Variants in JKAMP observed in about 807,000 individuals in gnomAD.
JKAMP encodes the protein JNK1/MAPK8 associated membrane protein, also known as JNK1/MAPK8-associated membrane protein.
In JKAMP, 20 loss-of-function variants were observed where a neutral mutation model predicts 40.2. That is an observed-to-expected ratio of 0.50 (90% confidence interval 0.35 to 0.72). The LOEUF (loss-of-function observed/expected upper bound fraction) is 0.72. JKAMP is among the 30% of genes least tolerant of loss of function. The pLI, the probability that JKAMP is intolerant of heterozygous loss-of-function variation, is 0.01. For missense variants in JKAMP, 276 were observed against 373.0 expected, an observed-to-expected ratio of 0.74 and a Z score of 2.14; for synonymous variants, 138 against 131.6, an observed-to-expected ratio of 1.05 and a Z score of -0.33.
intron 3 of JKAMP, among the ~76,000 whole-genome samples, chr14:59,488,296 T>A (rs1322831254): frequency 6.6e-6 from 1 of 152,074 alleles, no homozygotes; most frequent in Non-Finnish European, 1.5e-5. Flanking sequence ...GGGAAGGAGA[T>A]ATAAAAATAA....
chr14:59,491,382 A>G (rs1469253348), intron 3 of JKAMP, among the ~76,000 whole-genome samples: 2 of 152,210 alleles, frequency 1.3e-5, no homozygotes, highest in South Asian at 2.1e-4. Flanking sequence ...TCATTTTGTA[A>G]AGATTATGTG....
chr14:59,492,265 T>G (rs562939596), intron 3 of JKAMP, among the ~76,000 whole-genome samples: 3 of 150,946 alleles, frequency 2.0e-5, no homozygotes, highest in African/African-American at 7.3e-5. Flanking sequence ...AAAAAAAAGG[T>G]AGTCAGCAGA....
At chr14:59,484,965 T>C (rs1340638956) in intron 1 of JKAMP, 8 of 1,539,554 alleles carry the variant, frequency 5.2e-6, no homozygotes, top group Middle Eastern at 1.7e-4. Flanking sequence ...GCATAATTTG[T>C]CTACTGCTTC....
intron 1 of JKAMP, 174 bp from the exon 2 acceptor site, chr14:59,486,539 A>G: frequency 5.0e-6 from 3 of 597,944 alleles, no homozygotes; most frequent in Non-Finnish European, 8.8e-6. Flanking sequence ...AACTGTCTGC[A>G]GTGTCACAGT....
intron 3 of JKAMP, among the ~76,000 whole-genome samples, chr14:59,490,540 A>G (rs1302328899): frequency 2.0e-5 from 3 of 152,218 alleles, no homozygotes; most frequent in Non-Finnish European, 4.4e-5. Flanking sequence ...ATTTAATAGA[A>G]GACTGTTGTC....
In JKAMP at chr14:59,504,962, G is replaced by C. The variant is rs1892240465; in HGVS notation, c.*890G>C. The C allele has an allele frequency of 4.2e-6, 1 of 235,510 alleles. No individual in the cohort carries two copies. The highest frequency in any genetic ancestry group is 2.2e-5 in the African/African-American group (1 of 44,470). The allele number at this position is 235,510 out of a possible 1,614,324, so 14.6% of individuals were successfully genotyped here. ...TGTGGTTGGTTTGTGGTTTGTGATA[G>C]GTGTTCTGTGATGTTTATGCTTTGA... On this transcript the variant is annotated 3_prime_UTR_variant, in exon 7 of 7. Transcript: ENST00000616435.
In JKAMP at chr14:59,505,041, TTAACC is replaced by T. The variant is rs1190649846; in HGVS notation, c.*974_*978del. ...GGAAGCAAAATGAAATTTTTAGCTCTTAACCTAACAACCTGACCATGTTTATCCAT... is the reference window on the plus strand; with the variant it reads ...GGAAGCAAAATGAAATTTTTAGCTCTTAACAACCTGACCATGTTTATCCAT... On this transcript the variant is annotated 3_prime_UTR_variant, in exon 7 of 7. Transcript: ENST00000616435. 3.1e-4 allele frequency: 117 copies of T among 383,518 alleles called. 2 individuals carry two copies. Among genetic ancestry groups the T allele is most frequent in the Non-Finnish European group, 1.4e-4 (30 of 213,426 alleles). 23.8% of individuals were successfully genotyped at this position (383,518 alleles called of 1,614,324 possible). A position where few individuals can be genotyped will look rare whatever the true frequency, so the allele number is the denominator to read the frequency against.
intron 3 of JKAMP, among the ~76,000 whole-genome samples, chr14:59,491,711 A>G (rs566005653): frequency 6.6e-6 from 1 of 152,344 alleles, no homozygotes; most frequent in South Asian, 2.1e-4. Flanking sequence ...AGATGGAGAG[A>G]TCTCCAGGAA....
intron 2 of JKAMP, 68 bp from the exon 3 acceptor site, chr14:59,487,606 T>C: frequency 8.5e-7 from 1 of 1,179,328 alleles, no homozygotes; most frequent in South Asian, 1.3e-5. Context: ...TCTTATAGAA[T>C]GATTTGGGGG....
chr14:59,487,067 G>A (rs1214282972), intron 2 of JKAMP: 2 of 280,698 alleles, frequency 7.1e-6, no homozygotes, highest in South Asian at 4.9e-5. Context: ...GCTGGGCATA[G>A]TTGTGTGCGC....
intron 4 of JKAMP, among the ~76,000 whole-genome samples, chr14:59,497,043 G>A (rs1253117): frequency 0.54 from 80,692 of 148,828 alleles, 24,047 homozygotes; most frequent in African/African-American, 0.8. Context: ...ATAGCACACA[G>A]TTACCAGAAA....
In JKAMP at chr14:59,505,402, C is replaced by G; in HGVS notation, c.*1330C>G. ...TAGTGTTCATTAAAATTCTGAGTTGCCCAAAGAATCCTCAATTGAGTAATT... is the reference window on the plus strand; with the variant it reads ...TAGTGTTCATTAAAATTCTGAGTTGGCCAAAGAATCCTCAATTGAGTAATT... On this transcript the variant is annotated 3_prime_UTR_variant, in exon 7 of 7. Coordinates refer to ENST00000616435, the MANE Select transcript of JKAMP (RefSeq NM_016475.5). 1.6e-6 allele frequency: 1 copy of G among 619,250 alleles called. No homozygotes were observed. The highest frequency in any genetic ancestry group is 1.8e-5 in the African/African-American group (1 of 54,088). The allele number at this position is 619,250 out of a possible 1,614,324, so 38.4% of individuals were successfully genotyped here.
rs536809302 is a variant in JKAMP, at chr14:59,501,383, G to A, written c.717+116G>A. ...CTAATTGTTTTAGTAATCTTTGGCT[G>A]ATTGATGCCACTTGGTAGCTTTTGG... On this transcript the variant is annotated intron_variant, in intron 6 of 6. Coordinates refer to ENST00000616435, the MANE Select transcript of JKAMP (RefSeq NM_016475.5). The A allele has an allele frequency of 2.0e-4, 127 of 630,070 alleles. No homozygotes were observed. In the African/African-American group the frequency reaches 2.3e-3, roughly 11 times the overall value. 39.0% of individuals were successfully genotyped at this position (630,070 alleles called of 1,614,324 possible).
chr14:59,500,996 G>A, intron 5 of JKAMP, 195 bp from the exon 6 acceptor site: 1 of 525,806 alleles, frequency 1.9e-6, no homozygotes, highest in Non-Finnish European at 3.3e-6. Flanking sequence ...AGAAATGCAG[G>A]GCTGAAACTA....
At chr14:59,487,928 T>G (rs1890704435) in intron 3 of JKAMP, 100 bp downstream of exon 3, 1 of 1,106,122 alleles carries the variant, frequency 9.0e-7, no homozygotes, top group East Asian at 2.4e-5. Flanking sequence ...GTTTTAAAAG[T>G]GGTAAACATG....
chr14:59,487,753 T>C lies in JKAMP; in HGVS notation c.176T>C (p.Leu59Pro). The C allele has an allele frequency of 6.2e-7, 1 of 1,613,294 alleles. No homozygotes were observed. Among genetic ancestry groups the C allele is most frequent in the Non-Finnish European group, 8.5e-7 (1 of 1,179,350 alleles). The change falls in exon 3 of 7, where the codon CTC becomes CCC. Residue 59 changes from leucine (L) to proline (P), a missense_variant. Coordinates refer to ENST00000616435, the MANE Select transcript of JKAMP (RefSeq NM_016475.5). ...GAATCTCCTGAACTTTATGATTGGC[T>C]CTATCTTGGATTTATGGCAATGCTT... ...CTESPELYDWLYLGFMAMLPL... is the reference protein window; with the variant it reads ...CTESPELYDWPYLGFMAMLPL...
intron 5 of JKAMP, 48 bp downstream of exon 5, chr14:59,498,956 A>G: frequency 2.2e-6 from 2 of 900,318 alleles, no homozygotes; most frequent in Non-Finnish European, 3.0e-6. Context: ...TATTGTATGT[A>G]GTAATATTTC....
intron 5 of JKAMP, 79 bp downstream of exon 5, chr14:59,498,987 A>C (rs1271508): frequency 0.57 from 229,430 of 404,060 alleles, 55,286 homozygotes; most frequent in African/African-American, 0.72. Flanking sequence ...AATTTTGGAG[A>C]TTTTTCCTTA....
In JKAMP at chr14:59,498,880, G is replaced by T. The variant is rs1288527801; in HGVS notation, c.612G>T (p.Val204=). 6.8e-6 allele frequency: 11 copies of T among 1,609,578 alleles called. No homozygotes were observed. The highest frequency in any genetic ancestry group is 1.3e-5 in the African/African-American group (1 of 74,720). The change falls in exon 5 of 7, where the codon GTG becomes GTT. Residue 204 remains valine, a synonymous_variant. Coordinates refer to ENST00000616435, the MANE Select transcript of JKAMP (RefSeq NM_016475.5). ...AALYFFPILT[V]LQAVGGGLLY... ...TTTACTTCTTCCCAATTTTAACCGT[G>T]CTTCAGGCAGTTGGTGGAGGCCTTT...
Sources: gnomAD v4.1 joint callset for allele counts (sites outside exome capture counted in the v4.1 genomes callset) on GRCh38, gnomAD v4.1.1 for gene constraint, MANE v1.5 for transcripts, NCBI Gene and HGNC (gene_info 2026-07-23, HGNC 2026-07-21) for gene names.